Variants in HCN1 observed in about 807,000 individuals in gnomAD.
The protein encoded by HCN1 is hyperpolarization activated cyclic nucleotide gated potassium channel 1.
Under a neutral mutation model 78.9 loss-of-function variants are expected in HCN1, and 13 were observed. The observed-to-expected ratio is 0.16, with a 90% CI of 0.11 to 0.26. The LOEUF is 0.26. Ranked by LOEUF, HCN1 falls within the 10% of genes least tolerant of loss-of-function variation. The pLI is 1.00. For missense variants in HCN1, 810 were observed against 1,154.3 expected, an observed-to-expected ratio of 0.70 and a Z score of 4.32; for synonymous variants, 552 against 455.5, an observed-to-expected ratio of 1.21 and a Z score of -2.70.
intron 6 of HCN1, among the ~76,000 whole-genome samples, chr5:45,299,029 T>A (rs949014129): frequency 1.3e-5 from 2 of 151,998 alleles, no homozygotes; most frequent in African/African-American, 4.8e-5. Flanking sequence ...TTGAGGGACG[T>A]TCTACAAGAT....
intron 1 of HCN1, among the ~76,000 whole-genome samples, chr5:45,677,128 A>T (rs1360220233): frequency 6.6e-6 from 1 of 151,688 alleles, no homozygotes; most frequent in East Asian, 1.9e-4. Flanking sequence ...GGCTTTCCTA[A>T]CCCCTTGGAT....
rs777343632 is a variant in HCN1, at chr5:45,261,907, A to G, written c.*14T>C. Reference sequence around the variant, plus strand: ...TATGAGAGTATTTCTTTCTGCTTTGACAATCAGCAGGGATCATAAATTTGA... The same window carrying G: ...TATGAGAGTATTTCTTTCTGCTTTGGCAATCAGCAGGGATCATAAATTTGA... On this transcript the variant is annotated 3_prime_UTR_variant, in exon 8 of 8. Transcript: ENST00000303230. 3.1e-6 allele frequency: 5 copies of G among 1,613,848 alleles called. No individual in the cohort carries two copies. In the African/African-American group the frequency reaches 6.7e-5, roughly 22 times the overall value.
intron 1 of HCN1, among the ~76,000 whole-genome samples, chr5:45,676,320 A>G (rs1746265470): frequency 6.6e-6 from 1 of 151,782 alleles, no homozygotes; most frequent in Non-Finnish European, 1.5e-5. Context: ...CACTAGACAA[A>G]TACACACATA....
chr5:45,443,187 G>A lies in HCN1; in HGVS notation c.1011+18659C>T, dbSNP rs1352466972. The stretch of plus-strand genomic sequence containing the variant: ...GATAACCATAATATATTCAATTGTA[G>A]TATGCTACGAAGAGGCATATACAGG... On this transcript the variant is annotated intron_variant, in intron 3 of 7. Transcript: ENST00000303230. Among the ~76,000 whole-genome samples, 3 of 151,932 alleles carry A rather than the reference G, an allele frequency of 2.0e-5. No homozygotes were observed. The East Asian group carries it at 5.8e-4, about 29-fold the overall frequency.
intron 2 of HCN1, among the ~76,000 whole-genome samples, chr5:45,596,900 G>A (rs1475451530): frequency 6.6e-6 from 1 of 152,102 alleles, no homozygotes; most frequent in Non-Finnish European, 1.5e-5. Flanking sequence ...ACTAGAGAAA[G>A]AATAGGTGTT....
intron 5 of HCN1, among the ~76,000 whole-genome samples, chr5:45,312,552 C>G (rs1053068679): frequency 1.3e-5 from 2 of 152,192 alleles, no homozygotes; most frequent in African/African-American, 4.8e-5. Context: ...TGAGCATGAA[C>G]TGAAGCAGGG....
intron 6 of HCN1, among the ~76,000 whole-genome samples, chr5:45,280,329 A>C (rs1442558682): frequency 6.6e-6 from 1 of 152,204 alleles, no homozygotes; most frequent in African/African-American, 2.4e-5. Flanking sequence ...GAATCTCAGA[A>C]GAAAAACAAA....
chr5:45,312,483 C>T (rs556295038), intron 5 of HCN1, among the ~76,000 whole-genome samples: 11 of 152,104 alleles, frequency 7.2e-5, no homozygotes, highest in African/African-American at 1.2e-4. Flanking sequence ...ACTGAGGTAC[C>T]GGGTTCATCT....
intron 6 of HCN1, among the ~76,000 whole-genome samples, chr5:45,277,639 G>C (rs1745090967): frequency 6.6e-6 from 1 of 151,994 alleles, no homozygotes; most frequent in Non-Finnish European, 1.5e-5. Flanking sequence ...AGCAGTATTT[G>C]TGTGTGTGTG....
At chr5:45,515,917 T>A (rs1742509347) in intron 2 of HCN1, among the ~76,000 whole-genome samples, 1 of 151,916 alleles carries the variant, frequency 6.6e-6, no homozygotes, top group African/African-American at 2.4e-5. Flanking sequence ...CAAAAATGCC[T>A]CTTTCTTTTC....
rs1490887803 is a variant in HCN1 at position 45,303,611 on chromosome 5, A to C, written c.1606T>G (p.Ser536Ala). 1 of 1,613,200 alleles carries C rather than the reference A, an allele frequency of 6.2e-7. No homozygotes were observed. The highest frequency in any genetic ancestry group is 8.5e-7 in the Non-Finnish European group (1 of 1,179,570). ...SSKEMKLTDG[S>A]YFGEICLLTK... ...CTTTTTTACTAACCTCCAAAGTAAG[A>C]GCCATCTGTCAGCTTCATTTCTTTA... The change falls in exon 6 of 8, where the codon TCT (serine) becomes GCT (alanine). Residue 536 changes from serine to alanine, a missense_variant. Ser to Ala is a moderately conservative substitution (Grantham distance 99). Transcript: ENST00000303230.
At chr5:45,528,331 A>G (rs987176947) in intron 2 of HCN1, among the ~76,000 whole-genome samples, 5 of 151,934 alleles carry the variant, frequency 3.3e-5, no homozygotes, top group Admixed American at 2.6e-4. Context: ...CTTATATTTC[A>G]TATATTTAGT....
chr5:45,307,575 A>G (rs186589203), intron 5 of HCN1, among the ~76,000 whole-genome samples: 29 of 152,198 alleles, frequency 1.9e-4, no homozygotes, highest in African/African-American at 7.0e-4. Context: ...CATTTTAATC[A>G]TGACAAAACC....
intron 2 of HCN1, among the ~76,000 whole-genome samples, chr5:45,547,168 G>C (rs1432821866): frequency 6.6e-6 from 1 of 151,750 alleles, no homozygotes; most frequent in Non-Finnish European, 1.5e-5. Context: ...TCTTTTAATA[G>C]ATCCTTCATG....
At position 45,527,257 on chromosome 5, in the gene HCN1, T is replaced by A. The variant is rs532654766; in HGVS notation, c.850-65250A>T. On this transcript the variant is annotated intron_variant, in intron 2 of 7. Coordinates refer to ENST00000303230, the MANE Select transcript of HCN1 (RefSeq NM_021072.4). ...TATATTAATTTTTTTATATCTTCATTTGCATGGCGTATAGTACAGAGTCAA... is the reference window on the plus strand; with the variant it reads ...TATATTAATTTTTTTATATCTTCATATGCATGGCGTATAGTACAGAGTCAA... 1.5e-4 allele frequency among the ~76,000 whole-genome samples: 20 copies of A among 137,808 alleles called. 4 individuals are homozygous for A. The South Asian group carries it at 5.0e-3, about 34-fold the overall frequency. 90.4% of individuals were successfully genotyped at this position (137,808 alleles called of 152,430 possible).
chr5:45,364,772 T>G (rs1747199580), intron 4 of HCN1, among the ~76,000 whole-genome samples: 1 of 152,082 alleles, frequency 6.6e-6, no homozygotes, highest in South Asian at 2.1e-4. Flanking sequence ...AATATGAGAA[T>G]TTTGTTAACA....
chr5:45,568,073 T>C (rs1296313008), intron 2 of HCN1, among the ~76,000 whole-genome samples: 1 of 152,096 alleles, frequency 6.6e-6, no homozygotes, highest in Non-Finnish European at 1.5e-5. Context: ...TCTACTCACG[T>C]GCAGCCAGGA....
chr5:45,329,163 T>C (rs1746296283), intron 5 of HCN1, among the ~76,000 whole-genome samples: 1 of 151,180 alleles, frequency 6.6e-6, no homozygotes, highest in African/African-American at 2.4e-5. Context: ...AAGTATACAA[T>C]TTGTCAGTAC....
chr5:45,573,053 C>T (rs1743865704), intron 2 of HCN1, among the ~76,000 whole-genome samples: 1 of 152,072 alleles, frequency 6.6e-6, no homozygotes, highest in Non-Finnish European at 1.5e-5. Context: ...TTTTGGCATA[C>T]AGAAATTCAT....
Sources: gnomAD v4.1 joint callset for allele counts (sites outside exome capture counted in the v4.1 genomes callset) on GRCh38, gnomAD v4.1.1 for gene constraint, MANE v1.5 for transcripts, NCBI Gene and HGNC (gene_info 2026-07-23, HGNC 2026-07-21) for gene names.